The following PWWP2B variants were observed in gnomAD, a reference collection of about 807,000 sequenced individuals.
PWWP2B encodes PWWP domain containing 2B.
PWWP2B carries 9 observed loss-of-function variants against 15.5 expected under a neutral mutation model. The observed-to-expected ratio is 0.58, with a 90% confidence interval of 0.35 to 1.02. The LOEUF is 1.02. Among genes scored for constraint, PWWP2B ranks in the 50% least tolerant of loss-of-function variants. PWWP2B has a pLI of 0.02. For missense variants in PWWP2B, 864 were observed against 865.3 expected (o/e 1.00, Z 0.02); for synonymous variants, 474 against 403.6 (o/e 1.17, Z -2.09).
At chr10:132,401,309 AG>A (rs2069612627) in intron 1 of PWWP2B, among the ~76,000 whole-genome samples, 1 of 152,202 alleles carries the variant, frequency 6.6e-6, no homozygotes, top group African/African-American at 2.4e-5. Context: ...CTCAAAGCAA[AG>A]GTTATTTGTT....
intron 2 of PWWP2B, among the ~76,000 whole-genome samples, chr10:132,414,272 G>A (rs1022583687): frequency 2.0e-5 from 3 of 152,252 alleles, no homozygotes; most frequent in Non-Finnish European, 2.9e-5. Flanking sequence ...GATGTTTACC[G>A]ACATTTCCAA....
Position 132,405,394 on chromosome 10 carries a change from CAG to C in PWWP2B, c.899_900del (p.Glu300ValfsTer32). The C allele has an allele frequency of 1.2e-6, 2 of 1,611,204 alleles. No individual in the cohort carries two copies. The highest frequency in any genetic ancestry group is 1.7e-6 in the Non-Finnish European group (2 of 1,179,220). On this transcript the variant is annotated frameshift_variant, in exon 2 of 3. Transcript: ENST00000305233. LOFTEE classifies it low-confidence loss of function (END_TRUNC). ...GCAGCCAGGACCCCGAGGTGCTGGA[CAG>C]AGAGTCCCGGGACCGGCCGTCCTGC... ...DGSQDPEVLD[R>X]ESRDRPSCAP... is the part of the protein sequence containing the mutation.
intron 1 of PWWP2B, among the ~76,000 whole-genome samples, chr10:132,400,818 C>A (rs943873092): frequency 3.3e-5 from 5 of 152,236 alleles, no homozygotes; most frequent in African/African-American, 1.2e-4. Flanking sequence ...CCTCTTTAGG[C>A]CACAACAGGG....
chr10:132,415,523 A>G (rs542296045), intron 2 of PWWP2B, among the ~76,000 whole-genome samples: 26 of 139,468 alleles, frequency 1.9e-4, no homozygotes, highest in African/African-American at 7.4e-4. Context: ...CCAGACATCC[A>G]CTGTCACACA....
At chr10:132,415,432 T>G (rs571165594) in intron 2 of PWWP2B, among the ~76,000 whole-genome samples, 1 of 139,862 alleles carries the variant, frequency 7.1e-6, no homozygotes, top group South Asian at 2.4e-4. Flanking sequence ...CACGCACACA[T>G]GCACTCTCAC....
At position 132,399,108 on chromosome 10, in the gene PWWP2B, C is replaced by T. The variant is rs116515771; in HGVS notation, c.125+1757C>T. 3.5e-3 allele frequency among the ~76,000 whole-genome samples: 529 copies of T among 152,098 alleles called. 4 individuals carry two copies. The highest frequency in any genetic ancestry group is 0.011 in the African/African-American group (466 of 41,478). On this transcript the variant is annotated intron_variant, in intron 1 of 2. Coordinates refer to ENST00000305233, the MANE Select transcript of PWWP2B (RefSeq NM_138499.4). The stretch of plus-strand genomic sequence containing the variant: ...CAGCCGGTTCTCTGCCCTTGTATTC[C>T]GAGTCCCAGGGCTCCTGTTTCCAGC...
intron 2 of PWWP2B, among the ~76,000 whole-genome samples, chr10:132,415,641 CCACTCACACACACATGCACTCACA>C (rs2069841418): frequency 9.3e-6 from 1 of 107,478 alleles, no homozygotes; most frequent in African/African-American, 4.5e-5. Flanking sequence ...ACTCACACAC[CCACTCACACACACATGCACTCACA>C]CACTCACACA....
At chr10:132,409,007 G>A (rs2069741434) in intron 2 of PWWP2B, among the ~76,000 whole-genome samples, 1 of 152,246 alleles carries the variant, frequency 6.6e-6, no homozygotes, top group African/African-American at 2.4e-5. Flanking sequence ...GAGGTGCGCC[G>A]AGGCTGGGCT....
chr10:132,405,585 G>C lies in PWWP2B; in HGVS notation c.1085G>C (p.Arg362Pro), dbSNP rs79720492. The change falls in exon 2 of 3, where the codon CGG becomes CCG. Residue 362 changes from arginine to proline, a missense_variant. Physicochemically the swap from Arg to Pro is moderately radical, Grantham distance 103. This residue lies in a region of PWWP2B where 736 missense variants were observed against 687.7 expected (regional missense o/e 1.07). Transcript: ENST00000305233. ...ELVGELNGYL[R>P]DSSPAPCADG... ...GTGGGGGAGCTGAACGGGTACCTGC[G>C]GGACAGCTCGCCGGCGCCCTGTGCG... The C allele has an allele frequency of 2.5e-6, 4 of 1,609,850 alleles. No individual in the cohort carries two copies. The highest frequency in any genetic ancestry group is 3.4e-6 in the Non-Finnish European group (4 of 1,179,738).
At chr10:132,409,000 G>A (rs751779977) in intron 2 of PWWP2B, among the ~76,000 whole-genome samples, 2 of 152,260 alleles carry the variant, frequency 1.3e-5, no homozygotes, top group Non-Finnish European at 2.9e-5. Flanking sequence ...CCTGATGGAG[G>A]TGCGCCGAGG....
At position 132,409,199 on chromosome 10, in the gene PWWP2B, A is replaced by G. The variant is rs527551596; in HGVS notation, c.*16+2910A>G. On this transcript the variant is annotated intron_variant, in intron 2 of 2. Transcript: ENST00000305233. ...TCACGGCCGGCTCCAGGGCCTGTGA[A>G]TGGCCTGTGGCCGCTGCCCTTGGAG... 2.6e-5 allele frequency among the ~76,000 whole-genome samples: 4 copies of G among 152,194 alleles called. No individual in the cohort carries two copies. The South Asian group carries it at 8.3e-4, about 32-fold the overall frequency.
chr10:132,401,902 G>C, intron 1 of PWWP2B, among the ~76,000 whole-genome samples: 1 of 152,228 alleles, frequency 6.6e-6, no homozygotes, highest in East Asian at 1.9e-4. Context: ...TCCCCTACCC[G>C]TCCCAGCCTG....
chr10:132,415,560 A>AAC (rs1003169533), intron 2 of PWWP2B, among the ~76,000 whole-genome samples: 5 of 96,480 alleles, frequency 5.2e-5, no homozygotes, highest in Non-Finnish European at 8.8e-5. Flanking sequence ...CATTCACACA[A>AAC]ACACACATAC....
At position 132,406,040 on chromosome 10, in the gene PWWP2B, G is replaced by T. The variant is rs369979581; in HGVS notation, c.1540G>T (p.Gly514Cys). ...WPARVLDISLGQKEDGEPSWR... is the reference protein window; with the variant it reads ...WPARVLDISLCQKEDGEPSWR... ...GGCGCGTGTTCTTGACATCAGTCTC[G>T]GCCAGAAGGAGGACGGAGAGCCGTC... The change falls in exon 2 of 3, where the codon GGC (glycine) becomes TGC (cysteine). Residue 514 changes from glycine (G) to cysteine (C), a missense_variant. By Grantham distance (159) the Gly-to-Cys change is radical. This residue lies in a region of PWWP2B where 128 missense variants were observed against 177.6 expected (regional missense o/e 0.72). Coordinates refer to ENST00000305233, the MANE Select transcript of PWWP2B (RefSeq NM_138499.4). 1 of 1,613,740 alleles carries T rather than the reference G, an allele frequency of 6.2e-7. No homozygotes were observed. Among genetic ancestry groups the T allele is most frequent in the Non-Finnish European group, 8.5e-7 (1 of 1,179,958 alleles).
chr10:132,408,634 G>GGGGATGGCT (rs1439246350), intron 2 of PWWP2B, among the ~76,000 whole-genome samples: 1 of 152,240 alleles, frequency 6.6e-6, no homozygotes, highest in Non-Finnish European at 1.5e-5. Flanking sequence ...GGATGAGGAC[G>GGGGATGGCT]GGGATGGCTG....
intron 1 of PWWP2B, among the ~76,000 whole-genome samples, chr10:132,403,044 C>CTTCCCACGGCTGCAGAGA (rs2069633155): frequency 6.6e-6 from 1 of 152,262 alleles, no homozygotes; most frequent in South Asian, 2.1e-4. Context: ...GAGTTGAAGG[C>CTTCCCACGGCTGCAGAGA]AGCCCGCTTC....
At chr10:132,415,767 T>C in intron 2 of PWWP2B, among the ~76,000 whole-genome samples, 1 of 152,014 alleles carries the variant, frequency 6.6e-6, no homozygotes, top group East Asian at 1.9e-4. Context: ...TTTGGCTAAC[T>C]CAAGACTTGG....
chr10:132,399,660 C>T (rs138945941), intron 1 of PWWP2B, among the ~76,000 whole-genome samples: 100 of 152,372 alleles, frequency 6.6e-4, no homozygotes, highest in Middle Eastern at 6.8e-3. Flanking sequence ...GGGCTGAGCC[C>T]GGAGCAGGCG....
chr10:132,408,099 A>C (rs2069725114), intron 2 of PWWP2B, among the ~76,000 whole-genome samples: 1 of 152,198 alleles, frequency 6.6e-6, no homozygotes, highest in Admixed American at 6.5e-5. Context: ...GCCTGCCTCC[A>C]CGGGGGGCAG....
Sources: allele counts gnomAD v4.1 joint callset (sites outside exome capture counted in the v4.1 genomes callset), GRCh38; gene constraint gnomAD v4.1.1; regional missense constraint gnomAD v4.1.1; transcripts MANE v1.5; gene names NCBI Gene and HGNC (gene_info 2026-07-23, HGNC 2026-07-21).